Variants in MYO16 observed in about 807,000 individuals in gnomAD.
MYO16 encodes myosin XVI.
In MYO16, 94 loss-of-function variants were observed where a neutral mutation model predicts 205.3. That is an observed-to-expected ratio of 0.46 (90% CI 0.39 to 0.54). The LOEUF (loss-of-function observed/expected upper bound fraction) is 0.54. MYO16 is among the 20% of genes least tolerant of loss of function. The pLI is 0.00. For synonymous variants in MYO16, 988 were observed against 954.0 expected (o/e 1.04, Z -0.66); for missense variants, 2,315 against 2,387.5 (o/e 0.97, Z 0.63).
chr13:108,510,447 TAACATTGATAGCTG>T, the MYO16 span, among the ~76,000 whole-genome samples: 3 of 120,870 alleles, frequency 2.5e-5, no homozygotes, highest in Non-Finnish European at 5.2e-5. Flanking sequence ...TTTTTATATT[TAACATTGATAGCTG>T]TTTTTTTTTT....
chr13:108,594,633 G>A (rs557063827), upstream of MYO16, among the ~76,000 whole-genome samples: 1 of 152,280 alleles, frequency 6.6e-6, no homozygotes, highest in East Asian at 1.9e-4. Context: ...CCCCTGATGC[G>A]GCACTTCGGT....
intron 15 of MYO16, among the ~76,000 whole-genome samples, chr13:108,900,377 G>T (rs1880649368): frequency 6.6e-6 from 1 of 152,236 alleles, no homozygotes; most frequent in East Asian, 1.9e-4. Flanking sequence ...ACCCAGAGGT[G>T]ATACATATTC....
intron 13 of MYO16, among the ~76,000 whole-genome samples, chr13:108,884,269 T>C (rs566558684): frequency 6.6e-6 from 1 of 152,352 alleles, no homozygotes; most frequent in Non-Finnish European, 1.5e-5. Context: ...AAAAATTCTA[T>C]GGAGGGTGGA....
intron 4 of MYO16, among the ~76,000 whole-genome samples, chr13:108,773,060 G>T (rs1229541842): frequency 3.3e-5 from 5 of 152,104 alleles, no homozygotes; most frequent in Non-Finnish European, 1.5e-5. Flanking sequence ...TTCATAGTTG[G>T]CTATCTTCGT....
intron 1 of MYO16, among the ~76,000 whole-genome samples, chr13:108,660,739 T>C (rs867134415): frequency 6.6e-6 from 1 of 152,224 alleles, no homozygotes; most frequent in African/African-American, 2.4e-5. Context: ...TGTAGTTCTG[T>C]GTCTTTTAAG....
chr13:108,531,556 G>C, the MYO16 span, among the ~76,000 whole-genome samples: 1 of 152,100 alleles, frequency 6.6e-6, no homozygotes, highest in Non-Finnish European at 1.5e-5. Context: ...CAGCTGATGG[G>C]TGGACGTACT....
chr13:108,741,725 T>C (rs79067124), intron 4 of MYO16, among the ~76,000 whole-genome samples: 1,564 of 152,292 alleles, frequency 0.01, 34 homozygotes, highest in African/African-American at 0.036. Context: ...GAATCAACTG[T>C]ATTTATTATT....
At chr13:108,693,194 A>G (rs1882966282) in intron 2 of MYO16, among the ~76,000 whole-genome samples, 1 of 152,218 alleles carries the variant, frequency 6.6e-6, no homozygotes, top group African/African-American at 2.4e-5. Flanking sequence ...TAAGAACACC[A>G]TTGTCAGGGA....
intron 2 of MYO16, among the ~76,000 whole-genome samples, chr13:108,670,006 G>C (rs1176034115): frequency 6.6e-6 from 1 of 152,114 alleles, no homozygotes; most frequent in Non-Finnish European, 1.5e-5. Flanking sequence ...TGGGTTGATA[G>C]GTGCAGCAAA....
intron 12 of MYO16, among the ~76,000 whole-genome samples, chr13:108,874,434 C>T (rs1022897083): frequency 7.2e-5 from 11 of 152,068 alleles, no homozygotes; most frequent in African/African-American, 2.4e-4. Flanking sequence ...TTGTTTAGTG[C>T]TTATTACATG....
chr13:109,021,305 A>C (rs969997102), intron 23 of MYO16, among the ~76,000 whole-genome samples: 1 of 152,178 alleles, frequency 6.6e-6, no homozygotes, highest in Non-Finnish European at 1.5e-5. Context: ...TTAGATCAGG[A>C]AGCCTCTAGC....
rs528401820 is a variant in MYO16 at position 109,095,670 on chromosome 13, A to C, written c.3336-5115A>C. 4.5e-4 allele frequency among the ~76,000 whole-genome samples: 68 copies of C among 152,338 alleles called. No homozygotes were observed. The South Asian group carries it at 0.013, about 29-fold the overall frequency. ...TATATTCAGATGCTCGAATTATATC[A>C]ATTAAATTCTTGGTTATAATTAACA... is the stretch of plus-strand genomic sequence containing the variant. On this transcript the variant is annotated intron_variant, in intron 27 of 34. Coordinates refer to ENST00000457511, the MANE Select transcript of MYO16 (RefSeq NM_001198950.3).
intron 1 of MYO16, among the ~76,000 whole-genome samples, chr13:108,611,972 CTTTTTTT>C (rs201871787): frequency 2.0e-4 from 18 of 89,772 alleles, no homozygotes; most frequent in East Asian, 2.9e-4. Flanking sequence ...TTTTTTTTTT[CTTTTTTT>C]TTTTTTTTTT....
chr13:108,560,928 T>C, the MYO16 span, among the ~76,000 whole-genome samples: 2 of 152,322 alleles, frequency 1.3e-5, no homozygotes, highest in Admixed American at 6.5e-5. Context: ...TTTTTAGCAC[T>C]CCATTGTTAT....
At chr13:109,111,830 G>A (rs1303349980) in intron 28 of MYO16, among the ~76,000 whole-genome samples, 4 of 152,042 alleles carry the variant, frequency 2.6e-5, no homozygotes, top group African/African-American at 9.7e-5. Flanking sequence ...GGGACTACAG[G>A]CACGTGCCAC....
intron 1 of MYO16, among the ~76,000 whole-genome samples, chr13:108,620,209 T>C (rs967969600): frequency 1.3e-5 from 2 of 152,106 alleles, no homozygotes; most frequent in African/African-American, 4.8e-5. Flanking sequence ...TTGTTTGCTA[T>C]ATAAGTTGAA....
chr13:109,108,534 G>C (rs1449949004), intron 28 of MYO16, among the ~76,000 whole-genome samples: 1 of 152,152 alleles, frequency 6.6e-6, no homozygotes. Flanking sequence ...CAAGTTTATT[G>C]ATTGACTGAT....
intron 1 of MYO16, among the ~76,000 whole-genome samples, chr13:108,665,521 A>C (rs1881685026): frequency 6.6e-6 from 1 of 152,232 alleles, no homozygotes; most frequent in African/African-American, 2.4e-5. Flanking sequence ...TTTTATGCCA[A>C]CATTTAACAT....
intron 21 of MYO16, among the ~76,000 whole-genome samples, chr13:109,006,254 A>G (rs1406529502): frequency 6.6e-6 from 1 of 151,886 alleles, no homozygotes; most frequent in East Asian, 1.9e-4. Flanking sequence ...TTATTTATTT[A>G]TTTGAGACGG....
Sources: allele counts gnomAD v4.1 joint callset (sites outside exome capture counted in the v4.1 genomes callset), GRCh38; gene constraint gnomAD v4.1.1; transcripts MANE v1.5; gene names NCBI Gene and HGNC (gene_info 2026-07-23, HGNC 2026-07-21).